Variants in PRKCA observed in about 807,000 individuals in gnomAD.
The protein encoded by PRKCA is protein kinase C alpha type.
In PRKCA, 27 loss-of-function variants were observed where a neutral mutation model predicts 87.0. The ratio of observed to expected loss-of-function variants is 0.31; its 90% CI spans 0.23 to 0.43. The LOEUF is 0.43. Ranked by LOEUF, PRKCA falls within the 20% of genes least tolerant of loss-of-function variation. The pLI is 1.00. For synonymous variants in PRKCA, 329 were observed against 311.1 expected, an observed-to-expected ratio of 1.06 and a Z score of -0.61; for missense variants, 518 against 852.3, an observed-to-expected ratio of 0.61 and a Z score of 4.88.
chr17:66,573,778 TA>T, intron 3 of PRKCA, among the ~76,000 whole-genome samples: 1 of 152,218 alleles, frequency 6.6e-6, no homozygotes, highest in East Asian at 1.9e-4. Flanking sequence ...ACTGAACTCA[TA>T]AAAATATTCC....
intron 2 of PRKCA, among the ~76,000 whole-genome samples, chr17:66,350,586 C>T (rs773936147): frequency 6.6e-6 from 1 of 151,882 alleles, no homozygotes; most frequent in Non-Finnish European, 1.5e-5. Context: ...GCAGTGGCAC[C>T]GTCGTGGCTC....
intron 2 of PRKCA, among the ~76,000 whole-genome samples, chr17:66,315,141 G>A (rs1370014848): frequency 1.3e-5 from 2 of 152,118 alleles, no homozygotes; most frequent in Non-Finnish European, 2.9e-5. Flanking sequence ...CTGATAGCCA[G>A]CACCCATATA....
intron 2 of PRKCA, among the ~76,000 whole-genome samples, chr17:66,470,934 T>A (rs1915299113): frequency 6.6e-6 from 1 of 152,074 alleles, no homozygotes; most frequent in Non-Finnish European, 1.5e-5. Flanking sequence ...AGGTTATATC[T>A]CAAGTGAGAA....
chr17:66,770,954 G>T (rs1417767852), intron 13 of PRKCA, among the ~76,000 whole-genome samples: 3 of 151,734 alleles, frequency 2.0e-5, no homozygotes, highest in Non-Finnish European at 4.4e-5. Context: ...ACGGGCACTT[G>T]TTTACTGGTG....
chr17:66,333,673 C>A (rs896169251), intron 2 of PRKCA, among the ~76,000 whole-genome samples: 1 of 152,070 alleles, frequency 6.6e-6, no homozygotes, highest in Non-Finnish European at 1.5e-5. Flanking sequence ...GGGATTAAGT[C>A]CTGGCCTTTG....
At chr17:66,424,905 G>A (rs1206473153) in intron 2 of PRKCA, among the ~76,000 whole-genome samples, 1 of 151,836 alleles carries the variant, frequency 6.6e-6, no homozygotes, top group African/African-American at 2.4e-5. Flanking sequence ...CTGCACCACC[G>A]TGCCTGGCTA....
At chr17:66,353,356 C>T (rs1008658152) in intron 2 of PRKCA, among the ~76,000 whole-genome samples, 7 of 152,070 alleles carry the variant, frequency 4.6e-5, no homozygotes, top group East Asian at 3.9e-4. Context: ...ATCCTTTAGA[C>T]GGCAGATATA....
intron 2 of PRKCA, among the ~76,000 whole-genome samples, chr17:66,329,286 C>T (rs1451855063): frequency 2.0e-5 from 3 of 152,118 alleles, no homozygotes; most frequent in Non-Finnish European, 4.4e-5. Flanking sequence ...TAGAGGAAGA[C>T]CAGGTTTCGG....
chr17:66,574,940 A>G, intron 3 of PRKCA, among the ~76,000 whole-genome samples: 1 of 152,232 alleles, frequency 6.6e-6, no homozygotes, highest in East Asian at 1.9e-4. Context: ...CTCTGAAAAT[A>G]TCATACTGTT....
intron 3 of PRKCA, among the ~76,000 whole-genome samples, chr17:66,504,526 A>G (rs1053995933): frequency 1.3e-5 from 2 of 151,996 alleles, no homozygotes; most frequent in Non-Finnish European, 2.9e-5. Context: ...TGGGAGGCAG[A>G]GGTTGCAGTG....
chr17:66,770,287 T>C (rs1221713834), intron 13 of PRKCA, among the ~76,000 whole-genome samples: 1 of 152,250 alleles, frequency 6.6e-6, no homozygotes, highest in Non-Finnish European at 1.5e-5. Flanking sequence ...GGAGGTAATA[T>C]GATAGGATGT....
At chr17:66,669,488 G>A (rs1972121076) in intron 5 of PRKCA, among the ~76,000 whole-genome samples, 1 of 152,072 alleles carries the variant, frequency 6.6e-6, no homozygotes, top group Non-Finnish European at 1.5e-5. Context: ...AAAGATAAAA[G>A]AAGAAAAAAT....
At chr17:66,605,843 A>G (rs1970191005) in intron 3 of PRKCA, among the ~76,000 whole-genome samples, 1 of 152,246 alleles carries the variant, frequency 6.6e-6, no homozygotes, top group South Asian at 2.1e-4. Context: ...CACATATTGT[A>G]TGATTCCATT....
chr17:66,420,307 C>T (rs754688106), intron 2 of PRKCA, among the ~76,000 whole-genome samples: 3 of 152,072 alleles, frequency 2.0e-5, no homozygotes, highest in Non-Finnish European at 1.5e-5. Context: ...CCACACCTGG[C>T]CAGGGGACAT....
intron 3 of PRKCA, among the ~76,000 whole-genome samples, chr17:66,531,390 A>G (rs1018636968): frequency 6.6e-6 from 1 of 152,222 alleles, no homozygotes; most frequent in Non-Finnish European, 1.5e-5. Context: ...TTGCAGGTCC[A>G]TTAAATCCAC....
intron 13 of PRKCA, among the ~76,000 whole-genome samples, chr17:66,744,449 C>G (rs1974228317): frequency 6.6e-6 from 1 of 152,142 alleles, no homozygotes; most frequent in African/African-American, 2.4e-5. Flanking sequence ...TGGGGAATGG[C>G]AGCTTTTTTA....
Position 66,788,859 on chromosome 17 carries a change from C to G in PRKCA, c.1734C>G (p.Ala578=). The change falls in exon 16 of 17, where the codon GCC becomes GCG. Residue 578 remains alanine, a synonymous_variant. Coordinates refer to ENST00000413366, the MANE Select transcript of PRKCA (RefSeq NM_002737.3). ...TCTAGCTGATGACCAAACACCCAGC[C>G]AAGCGGCTGGGCTGTGGGCCTGAGG... ...VCKGLMTKHP[A]KRLGCGPEGE... is the part of the protein sequence containing the mutation. 1 of 1,613,168 alleles carries G rather than the reference C, an allele frequency of 6.2e-7. No individual in the cohort carries two copies. The highest frequency in any genetic ancestry group is 8.5e-7 in the Non-Finnish European group (1 of 1,179,798).
chr17:66,374,177 G>A (rs1023646845), intron 2 of PRKCA, among the ~76,000 whole-genome samples: 3 of 152,202 alleles, frequency 2.0e-5, no homozygotes, highest in South Asian at 2.1e-4. Context: ...CCTTCCTTCC[G>A]CCTGGAGCTT....
At chr17:66,572,353 GCTACT>G (rs1353769692) in intron 3 of PRKCA, among the ~76,000 whole-genome samples, 2 of 152,096 alleles carry the variant, frequency 1.3e-5, no homozygotes, top group Non-Finnish European at 2.9e-5. Context: ...TGTAATCCCA[GCTACT>G]CAGGAGGCTG....
Sources: gnomAD v4.1 joint callset for allele counts (sites outside exome capture counted in the v4.1 genomes callset) on GRCh38, gnomAD v4.1.1 for gene constraint, MANE v1.5 for transcripts, NCBI Gene and HGNC (gene_info 2026-07-23, HGNC 2026-07-21) for gene names.